The following ZNF362 variants were observed in gnomAD, a reference collection of about 807,000 sequenced individuals.
The protein encoded by ZNF362 is rotund homolog.
In ZNF362, 11 loss-of-function variants were observed where a neutral mutation model predicts 42.9. The ratio of observed to expected loss-of-function variants is 0.26; its 90% confidence interval spans 0.16 to 0.42. The LOEUF is 0.42. Among genes scored for constraint, ZNF362 ranks in the 20% least tolerant of loss-of-function variants. The pLI is 1.00. For missense variants in ZNF362, 362 were observed against 576.2 expected, an observed-to-expected ratio of 0.63 and a Z score of 3.81; for synonymous variants, 255 against 257.3, an observed-to-expected ratio of 0.99 and a Z score of 0.09.
chr1:33,240,520 A>G, the ZNF362 span, among the ~76,000 whole-genome samples: 2 of 152,174 alleles, frequency 1.3e-5, no homozygotes, highest in Non-Finnish European at 2.9e-5. Flanking sequence ...TACAATTCAC[A>G]TGAGCAAATT....
chr1:33,189,718 T>TATATATATATATATATATATATAC, the ZNF362 span, among the ~76,000 whole-genome samples: 1 of 125,808 alleles, frequency 7.9e-6, no homozygotes, highest in African/African-American at 3.2e-5. Context: ...CGTATATATA[T>TATATATATATATATATATATATAC]ACATACACAC....
At chr1:33,195,599 T>C in the ZNF362 span, 3 of 152,042 alleles carry the variant, frequency 2.0e-5, no homozygotes, top group South Asian at 2.1e-4. Flanking sequence ...CTGTTGGCAA[T>C]TGTAACACAA....
the ZNF362 span, among the ~76,000 whole-genome samples, chr1:33,240,811 T>G: frequency 7.9e-5 from 12 of 152,138 alleles, no homozygotes; most frequent in Non-Finnish European, 1.5e-4. Flanking sequence ...ATTCTGACAT[T>G]CTATGTGATT....
the ZNF362 span, among the ~76,000 whole-genome samples, chr1:33,213,292 C>T: frequency 6.6e-6 from 1 of 152,054 alleles, no homozygotes; most frequent in Non-Finnish European, 1.5e-5. Context: ...CTACGCCCAG[C>T]CTGAAGTTCA....
At chr1:33,168,458 C>T in the ZNF362 span, among the ~76,000 whole-genome samples, 149,345 of 152,280 alleles carry the variant, frequency 0.98, 73,282 homozygotes, top group Middle Eastern at 1. Context: ...GATTTCAAGC[C>T]ATCAGTGTGA....
chr1:33,296,277 G>A (rs932036972), intron 8 of ZNF362, among the ~76,000 whole-genome samples: 3 of 152,270 alleles, frequency 2.0e-5, no homozygotes, highest in East Asian at 2.0e-4. Context: ...AGTAGCAACC[G>A]CTCCCCAAGT....
At chr1:33,202,471 G>C in the ZNF362 span, among the ~76,000 whole-genome samples, 66 of 152,040 alleles carry the variant, frequency 4.3e-4, no homozygotes, top group Admixed American at 4.3e-3. Flanking sequence ...GGTGGCGGCC[G>C]CCTGTAGTCC....
rs931631175 is a variant in ZNF362, at chr1:33,295,141, C to T, written c.988-6C>T. On this transcript the variant is annotated splice_region_variant and splice_polypyrimidine_tract_variant and intron_variant, in intron 7 of 8. Transcript: ENST00000539719. ...CCTCTCCTGACCCCCTGCTGTGCCC[C>T]TACAGTCTCACCAGCGCCAGCACAA... is the stretch of plus-strand genomic sequence containing the variant. The T allele has an allele frequency of 1.9e-6, 3 of 1,613,634 alleles. No individual in the cohort carries two copies. In the African/African-American group the frequency reaches 4.0e-5, roughly 22 times the overall value.
chr1:33,200,945 A>G, the ZNF362 span, among the ~76,000 whole-genome samples: 24 of 152,308 alleles, frequency 1.6e-4, no homozygotes, highest in Admixed American at 7.2e-4. Context: ...CAGAGGGAAT[A>G]TGATGTGAAG....
chr1:33,199,281 G>A, the ZNF362 span, among the ~76,000 whole-genome samples: 1 of 151,362 alleles, frequency 6.6e-6, no homozygotes, highest in East Asian at 1.9e-4. Flanking sequence ...AACCGCTAAA[G>A]GAAGAAGAAA....
chr1:33,270,183 C>A (rs1645891644), intron 1 of ZNF362, among the ~76,000 whole-genome samples: 2 of 152,160 alleles, frequency 1.3e-5, no homozygotes, highest in African/African-American at 4.8e-5. Context: ...GAGCACCAAC[C>A]CTACTTGTGA....
the ZNF362 span, among the ~76,000 whole-genome samples, chr1:33,185,768 A>ATT: frequency 8.5e-4 from 129 of 151,444 alleles, no homozygotes; most frequent in African/African-American, 2.7e-3. Context: ...AACATCAGGA[A>ATT]TTTTTTTTTC....
chr1:33,189,718 T>TATATAC, the ZNF362 span, among the ~76,000 whole-genome samples: 15 of 125,802 alleles, frequency 1.2e-4, 4 homozygotes, highest in African/African-American at 4.8e-4. Flanking sequence ...CGTATATATA[T>TATATAC]ACATACACAC....
At chr1:33,179,954 AT>A in the ZNF362 span, among the ~76,000 whole-genome samples, 1 of 152,214 alleles carries the variant, frequency 6.6e-6, no homozygotes, top group African/African-American at 2.4e-5. Flanking sequence ...ACACTTATTA[AT>A]AGAGAGCATT....
rs1645862716 is a variant in ZNF362 at position 33,266,009 on chromosome 1, AAT to A, written c.-88-4477_-88-4476del. The stretch of plus-strand genomic sequence containing the variant: ...CTCTCCTTTGGCATCTCCCTCTTGC[AAT>A]TTCCCCTTCCCCCATCAGTAAGTCC... On this transcript the variant is annotated intron_variant, in intron 1 of 8. Transcript: ENST00000539719. The surrounding 1 kb of genome is among the most constrained non-coding windows in gnomAD (Gnocchi z 4.3). 6.6e-6 allele frequency among the ~76,000 whole-genome samples: 1 copy of A among 151,976 alleles called. No individual in the cohort carries two copies. Among genetic ancestry groups the A allele is most frequent in the Non-Finnish European group, 1.5e-5 (1 of 68,006 alleles).
chr1:33,181,518 T>C, the ZNF362 span: 1 of 1,457,890 alleles, frequency 6.9e-7, no homozygotes, highest in Non-Finnish European at 9.0e-7. The surrounding 1 kb of genome is among the most constrained non-coding windows in gnomAD (Gnocchi z 6.5). Flanking sequence ...CACCGAGGGC[T>C]GGGCGCGGGG....
At chr1:33,191,100 C>T in the ZNF362 span, among the ~76,000 whole-genome samples, 1,372 of 152,290 alleles carry the variant, frequency 9.0e-3, 22 homozygotes, top group African/African-American at 0.031. Flanking sequence ...TTTCACCAGC[C>T]GTGGGCATGG....
At chr1:33,247,273 G>A in the ZNF362 span, among the ~76,000 whole-genome samples, 1 of 152,232 alleles carries the variant, frequency 6.6e-6, no homozygotes, top group African/African-American at 2.4e-5. Flanking sequence ...CTCAGGGCAG[G>A]TCAAGTATTG....
At chr1:33,297,513 C>CTTTTTTTTTTTTTTT (rs55931056) in intron 8 of ZNF362, among the ~76,000 whole-genome samples, 1 of 121,068 alleles carries the variant, frequency 8.3e-6, no homozygotes, top group African/African-American at 3.5e-5. Context: ...CATGATTCCT[C>CTTTTTTTTTTTTTTT]TTTTTTTTTT....
Sources: allele counts gnomAD v4.1 joint callset (sites outside exome capture counted in the v4.1 genomes callset), GRCh38; gene constraint gnomAD v4.1.1; non-coding constraint Gnocchi (gnomAD v3.1); transcripts MANE v1.5; gene names NCBI Gene and HGNC (gene_info 2026-07-23, HGNC 2026-07-21).